Variants in CENPV observed in about 807,000 individuals in gnomAD.
CENPV encodes the protein centromere protein V.
In CENPV, 15 loss-of-function variants were observed where a neutral mutation model predicts 26.4. The observed-to-expected ratio is 0.57, with a 90% CI of 0.38 to 0.88. The LOEUF (loss-of-function observed/expected upper bound fraction) is 0.88, where lower values mean the gene tolerates loss of function less well. Among genes scored for constraint, CENPV ranks in the 40% least tolerant of loss-of-function variants. The probability of loss-of-function intolerance (pLI) is 0.00; values close to 1 mark genes in which losing one functional copy is unlikely to be tolerated. For missense variants in CENPV, 336 were observed against 376.5 expected (o/e 0.89, Z 0.89); for synonymous variants, 172 against 165.5 (o/e 1.04, Z -0.30).
At chr17:16,343,470 A>T (rs529927962) in intron 4 of CENPV, among the ~76,000 whole-genome samples, 60 of 152,224 alleles carry the variant, frequency 3.9e-4, no homozygotes, top group African/African-American at 1.4e-3. Context: ...GTAGCTGGGA[A>T]TACAGGCGTG....
Position 16,353,012 on chromosome 17 carries a change from G to A in CENPV, c.410+15C>T. 1.3e-6 allele frequency: 2 copies of A among 1,538,712 alleles called. No homozygotes were observed. The highest frequency in any genetic ancestry group is 1.2e-5 in the South Asian group (1 of 84,674). On this transcript the variant is annotated intron_variant, in intron 1 of 4. Coordinates refer to ENST00000299736, the MANE Select transcript of CENPV (RefSeq NM_181716.3). Reference sequence around the variant, plus strand: ...GTGGCAACGGCTCCCGCGCCCCCCGGCCCGCCGCACTCACAAGGTGTCTAG... The same window carrying A: ...GTGGCAACGGCTCCCGCGCCCCCCGACCCGCCGCACTCACAAGGTGTCTAG...
rs2093235947 is a variant in CENPV at position 16,353,384 on chromosome 17, G to GAGGCCCCGC, written c.52_53insGCGGGGCCT (p.Arg17_Ser18insCysGlyAla). The GAGGCCCCGC allele has an allele frequency of 6.5e-6, 8 of 1,223,756 alleles. No homozygotes were observed. The South Asian group carries it at 2.0e-4, about 31-fold the overall frequency. 75.8% of individuals were successfully genotyped at this position (1,223,756 alleles called of 1,614,324 possible). ...GGCCGCGGGGGCCGCGGAGGCCCCGGACCGCTTCTGCCCGCGCAGCTTGGC... is the reference window on the plus strand; with the variant it reads ...GGCCGCGGGGGCCGCGGAGGCCCCGGAGGCCCCGCACCGCTTCTGCCCGCGCAGCTTGGC... On this transcript the variant is annotated inframe_insertion, in exon 1 of 5. Coordinates refer to ENST00000299736, the MANE Select transcript of CENPV (RefSeq NM_181716.3).
rs1341072021 is a variant in CENPV at position 16,353,325 on chromosome 17, G to C, written c.112C>G (p.Arg38Gly). 7.3e-7 allele frequency: 1 copy of C among 1,378,156 alleles called. No individual in the cohort carries two copies. The highest frequency in any genetic ancestry group is 9.4e-7 in the Non-Finnish European group (1 of 1,063,360). The allele number at this position is 1,378,156 out of a possible 1,614,324, so 85.4% of individuals were successfully genotyped here. The change falls in exon 1 of 5, where the codon CGC (arginine) becomes GGC (glycine). Residue 38 changes from arginine (R) to glycine (G), a missense_variant. Physicochemically the swap from Arg to Gly is moderately radical, Grantham distance 125. This residue lies in a region of CENPV where 181 missense variants were observed against 148.8 expected (regional missense o/e 1.22). Coordinates refer to ENST00000299736, the MANE Select transcript of CENPV (RefSeq NM_181716.3). ...AAAALAPSAT[R>G]TRRSASQAGS... ...GCCTGGCTAGCGGAGCGCCGTGTGCGGGTGGCGCTGGGTGCCAAGGCAGCG... is the reference window on the plus strand; with the variant it reads ...GCCTGGCTAGCGGAGCGCCGTGTGCCGGTGGCGCTGGGTGCCAAGGCAGCG...
intron 1 of CENPV, among the ~76,000 whole-genome samples, chr17:16,352,305 C>T (rs993289901): frequency 1.3e-5 from 2 of 152,208 alleles, no homozygotes; most frequent in African/African-American, 2.4e-5. Context: ...TTTCCCAAAT[C>T]GCGGACACTC....
chr17:16,346,820 T>G (rs1218852974), intron 3 of CENPV, among the ~76,000 whole-genome samples: 1 of 151,408 alleles, frequency 6.6e-6, no homozygotes, highest in Non-Finnish European at 1.5e-5. Flanking sequence ...TTTTTAAGGC[T>G]ATATACTGGT....
chr17:16,343,073 C>T, intron 4 of CENPV, 132 bp from the exon 5 acceptor site: 1 of 1,018,120 alleles, frequency 9.8e-7, no homozygotes, highest in Non-Finnish European at 1.4e-6. Context: ...GGATATGCCA[C>T]AGCTTATGGC....
chr17:16,345,240 C>A (rs544236210), intron 3 of CENPV, among the ~76,000 whole-genome samples: 11 of 123,756 alleles, frequency 8.9e-5, no homozygotes, highest in East Asian at 2.4e-4. Flanking sequence ...CCAGCCTGGG[C>A]AACAGAGCGA....
chr17:16,342,730 A>T lies in CENPV; in HGVS notation c.*87T>A. The T allele has an allele frequency of 5.8e-6, 9 of 1,545,816 alleles. No individual in the cohort carries two copies. The highest frequency in any genetic ancestry group is 8.0e-6 in the Non-Finnish European group (9 of 1,123,714). On this transcript the variant is annotated 3_prime_UTR_variant, in exon 5 of 5. Transcript: ENST00000299736. ...GGAACCAGCAGCCCAGGTCAGCCACATTCAGGAGCACCACCGAGGCACGGC... is the reference window on the plus strand; with the variant it reads ...GGAACCAGCAGCCCAGGTCAGCCACTTTCAGGAGCACCACCGAGGCACGGC...
chr17:16,348,345 T>C (rs941024117), intron 3 of CENPV: 8 of 540,268 alleles, frequency 1.5e-5, no homozygotes, highest in African/African-American at 1.9e-5. Context: ...TTAGTAGAGA[T>C]AGGGTTTCAC....
intron 3 of CENPV, among the ~76,000 whole-genome samples, chr17:16,345,120 G>A (rs530497021): frequency 2.0e-5 from 3 of 151,894 alleles, no homozygotes; most frequent in Non-Finnish European, 2.9e-5. Context: ...TTTGTAGCCG[G>A]GTGTGGTGGC....
At chr17:16,348,482 C>T (rs541616724) in intron 3 of CENPV, 134 bp downstream of exon 3, 18 of 1,507,096 alleles carry the variant, frequency 1.2e-5, no homozygotes, top group Non-Finnish European at 1.6e-5. Context: ...AACCTGAAAC[C>T]AAAGCCCGTG....
chr17:16,348,792 T>C (rs915604770), intron 2 of CENPV, 107 bp from the exon 3 acceptor site: 1 of 1,552,922 alleles, frequency 6.4e-7, no homozygotes, highest in Non-Finnish European at 8.7e-7. Context: ...GATGCCCCTT[T>C]CAGCACCATC....
In CENPV at chr17:16,344,610, G is replaced by C. The variant is rs202048115; in HGVS notation, c.681C>G (p.Asn227Lys). Residue 227 changes from asparagine (N) to lysine (K), a missense_variant, in exon 4 of 5, where the codon AAC (asparagine) becomes AAG (lysine). Coordinates refer to ENST00000299736, the MANE Select transcript of CENPV (RefSeq NM_181716.3). Reference sequence around the variant, plus strand: ...CCCTTTACTCACCGAAGCCTCCGGGGTTTGATCGTGGAGTATAGAAGCTCT... The same window carrying C: ...CCCTTTACTCACCGAAGCCTCCGGGCTTTGATCGTGGAGTATAGAAGCTCT... ...GVQSFYTPRS[N>K]PGGFGIAPHC... The C allele has an allele frequency of 6.3e-7, 1 of 1,581,364 alleles. No homozygotes were observed. The highest frequency in any genetic ancestry group is 2.3e-5 in the East Asian group (1 of 42,888).
chr17:16,350,713 T>C (rs1016206197), intron 1 of CENPV: 1 of 152,180 alleles, frequency 6.6e-6, no homozygotes, highest in Non-Finnish European at 1.5e-5. Context: ...ACACGATTGC[T>C]ACCCTTACCG....
chr17:16,353,381 C>CCGGAGGCCT lies in CENPV; in HGVS notation c.55_56insAGGCCTCCG (p.Ser18_Gly19insGluAlaSer), dbSNP rs2093235921. 1 of 1,222,456 alleles carries CCGGAGGCCT rather than the reference C, an allele frequency of 8.2e-7. No individual in the cohort carries two copies. Among genetic ancestry groups the CCGGAGGCCT allele is most frequent in the Non-Finnish European group, 1.0e-6 (1 of 985,386 alleles). The allele number at this position is 1,222,456 out of a possible 1,614,324, so 75.7% of individuals were successfully genotyped here. ...GGAGGCCGCGGGGGCCGCGGAGGCC[C>CCGGAGGCCT]CGGACCGCTTCTGCCCGCGCAGCTT... On this transcript the variant is annotated inframe_insertion, in exon 1 of 5. Coordinates refer to ENST00000299736, the MANE Select transcript of CENPV (RefSeq NM_181716.3).
At chr17:16,351,531 A>C (rs113885911) in intron 1 of CENPV, 2 of 152,326 alleles carry the variant, frequency 1.3e-5, no homozygotes, top group African/African-American at 4.8e-5. Flanking sequence ...ACACTATTTG[A>C]GAGTGCTCAA....
intron 2 of CENPV, 84 bp downstream of exon 2, chr17:16,349,847 C>A (rs951868069): frequency 1.6e-5 from 25 of 1,550,064 alleles, no homozygotes; most frequent in Admixed American, 4.0e-5. Context: ...TTCCTCTGTA[C>A]CCCAACTCCC....
chr17:16,345,296 C>G (rs920455201), intron 3 of CENPV, among the ~76,000 whole-genome samples: 5 of 134,398 alleles, frequency 3.7e-5, no homozygotes, highest in African/African-American at 1.1e-4. Context: ...TTTGGCCAGG[C>G]ATGGTGGCTC....
rs192370983 is a variant in CENPV at position 16,344,626 on chromosome 17, T to C, written c.665A>G (p.Tyr222Cys). 1.1e-4 allele frequency: 172 copies of C among 1,597,354 alleles called. No homozygotes were observed. Among genetic ancestry groups the C allele is most frequent in the Admixed American group, 5.4e-4 (31 of 57,180 alleles). ...GCCTCCGGGGTTTGATCGTGGAGTA[T>C]AGAAGCTCTGAACGCCACATCTCTT... is the stretch of plus-strand genomic sequence containing the variant. ...FCKRCGVQSF[Y>C]TPRSNPGGFG... The change falls in exon 4 of 5, where the codon TAT (tyrosine) becomes TGT (cysteine). Residue 222 changes from tyrosine (Y) to cysteine (C), a missense_variant. Coordinates refer to ENST00000299736, the MANE Select transcript of CENPV (RefSeq NM_181716.3).
Sources: allele counts gnomAD v4.1 joint callset (sites outside exome capture counted in the v4.1 genomes callset), GRCh38; gene constraint gnomAD v4.1.1; regional missense constraint gnomAD v4.1.1; transcripts MANE v1.5; gene names NCBI Gene and HGNC (gene_info 2026-07-23, HGNC 2026-07-21).